Variants in MIA2 observed in about 807,000 individuals in gnomAD.
The protein encoded by MIA2 is melanoma inhibitory activity protein 2.
A neutral mutation model predicts 167.8 loss-of-function variants in MIA2; 127 were observed. The ratio of observed to expected loss-of-function variants is 0.76; its 90% CI spans 0.66 to 0.88. MIA2 has a LOEUF of 0.88. Ranked by LOEUF, MIA2 falls within the 40% of genes least tolerant of loss-of-function variation. The pLI is 0.00. For synonymous variants in MIA2, 552 were observed against 541.9 expected (o/e 1.02, Z -0.26); for missense variants, 1,690 against 1,624.7 (o/e 1.04, Z -0.69).
chr14:39,331,351 A>G (rs1407582268), intron 25 of MIA2, among the ~76,000 whole-genome samples: 7 of 152,052 alleles, frequency 4.6e-5, no homozygotes, highest in African/African-American at 1.7e-4. Context: ...ATGTGTGTCT[A>G]TGCACATGAG....
At chr14:39,286,696 CTTT>C (rs35159773) in intron 9 of MIA2, among the ~76,000 whole-genome samples, 4 of 142,670 alleles carry the variant, frequency 2.8e-5, no homozygotes, top group Non-Finnish European at 3.0e-5. Flanking sequence ...TTCCTTCTTA[CTTT>C]TTTTTTTTTT....
At chr14:39,330,282 G>C (rs150508807) in intron 25 of MIA2, among the ~76,000 whole-genome samples, 3,083 of 152,196 alleles carry the variant, frequency 0.02, 107 homozygotes, top group African/African-American at 0.068. Flanking sequence ...TTCTCTGATG[G>C]TAGTTTGTAT....
At chr14:39,304,497 A>C (rs1035261865) in intron 17 of MIA2, 116 bp downstream of exon 17, 6 of 550,686 alleles carry the variant, frequency 1.1e-5, no homozygotes, top group Admixed American at 8.5e-5. Flanking sequence ...TTTTTTTTTA[A>C]CTTTTGTTCC....
Position 39,247,883 on chromosome 14 carries a change from G to A in MIA2, c.1309G>A (p.Asp437Asn). 1 of 1,588,478 alleles carries A rather than the reference G, an allele frequency of 6.3e-7. No individual in the cohort carries two copies. Among genetic ancestry groups the A allele is most frequent in the Non-Finnish European group, 8.5e-7 (1 of 1,173,570 alleles). The change falls in exon 4 of 29, where the codon GAT (aspartate) becomes AAT (asparagine). Residue 437 changes from aspartate to asparagine, a missense_variant. Asp to Asn is a conservative substitution (Grantham distance 23). Coordinates refer to ENST00000640607, the MANE Select transcript of MIA2 (RefSeq NM_001329214.4). ...IETIKIIETE[D>N]QIDKKPVSEK... is the part of the protein sequence containing the mutation. ...AACGATAAAAATTATAGAAACAGAA[G>A]ATCAAATAGACAAGAAACCAGTCTC...
At chr14:39,246,756 A>G (rs1046294360) in intron 3 of MIA2, among the ~76,000 whole-genome samples, 155 bp from the exon 4 acceptor site, 3 of 152,228 alleles carry the variant, frequency 2.0e-5, no homozygotes, top group Non-Finnish European at 4.4e-5. Context: ...ATTAGCCTTG[A>G]AGTCAGTTGT....
chr14:39,306,614 C>G (rs572326842), intron 17 of MIA2, among the ~76,000 whole-genome samples: 132 of 152,316 alleles, frequency 8.7e-4, no homozygotes, highest in African/African-American at 2.8e-3. Context: ...GATGGGGACA[C>G]AAAGCCAAAC....
chr14:39,235,670 A>G (rs1045648408), intron 1 of MIA2, among the ~76,000 whole-genome samples: 1 of 151,904 alleles, frequency 6.6e-6, no homozygotes, highest in Non-Finnish European at 1.5e-5. Flanking sequence ...CCCAGCTACT[A>G]GGGAGGCTGA....
In MIA2 at chr14:39,315,828, GTTTCT is replaced by G. The variant is rs1271010507; in HGVS notation, c.3216+114_3216+118del. 5.5e-6 allele frequency: 4 copies of G among 722,588 alleles called. No homozygotes were observed. In the South Asian group the frequency reaches 6.6e-5, roughly 12 times the overall value. 44.8% of individuals were successfully genotyped at this position (722,588 alleles called of 1,614,324 possible). A position where few individuals can be genotyped will look rare whatever the true frequency, so the allele number is the denominator to read the frequency against. The stretch of plus-strand genomic sequence containing the variant: ...ATAAATATAGTATTCTAAAAAATCA[GTTTCT>G]TTTAATTTTACAAGTAGTGAAATTA... On this transcript the variant is annotated intron_variant, in intron 21 of 28. Transcript: ENST00000640607.
intron 21 of MIA2, 118 bp from the exon 22 acceptor site, chr14:39,317,826 C>T: frequency 1.7e-6 from 1 of 586,944 alleles, no homozygotes; most frequent in Non-Finnish European, 2.7e-6. Flanking sequence ...GATTTGTATA[C>T]CATTGTTGTG....
chr14:39,266,421 C>G (rs1246952055), intron 6 of MIA2: 16 of 985,308 alleles, frequency 1.6e-5, no homozygotes, highest in Non-Finnish European at 1.9e-5. Flanking sequence ...GAAAACAGCA[C>G]GCACCGCGCC....
intron 1 of MIA2, 46 bp from the exon 2 acceptor site, chr14:39,236,876 T>G (rs774940662): frequency 6.5e-7 from 1 of 1,531,990 alleles, no homozygotes; most frequent in Non-Finnish European, 8.9e-7. Flanking sequence ...AGGAGAAATA[T>G]CATTTTAATT....
At chr14:39,277,784 A>T (rs2058382861) in intron 7 of MIA2, among the ~76,000 whole-genome samples, 3 of 95,842 alleles carry the variant, frequency 3.1e-5, no homozygotes, top group Non-Finnish European at 4.2e-5. Context: ...ATATATATTT[A>T]TATTTAAAGA....
chr14:39,378,601 A>G (rs1285515233), intron 23 of MIA2, among the ~76,000 whole-genome samples: 3 of 152,244 alleles, frequency 2.0e-5, no homozygotes, highest in East Asian at 1.9e-4. Context: ...TTGGCATACA[A>G]TAGTTTTACA....
rs1193212951 is a variant in MIA2 at position 39,299,897 on chromosome 14, G to A, written c.2530G>A (p.Val844Met). The change falls in exon 14 of 29, where the codon GTG becomes ATG. Residue 844 changes from valine to methionine, a missense_variant. Transcript: ENST00000640607. ...LQEAEVWKEQVSELNKQKVTF... is the reference protein window; with the variant it reads ...LQEAEVWKEQMSELNKQKVTF... ...AGAAGCTGAAGTATGGAAAGAACAA[G>A]TGAGTGAACTTAATAAACAGAAAGT... The A allele has an allele frequency of 1.2e-6, 2 of 1,608,588 alleles. No individual in the cohort carries two copies. Among genetic ancestry groups the A allele is most frequent in the Non-Finnish European group, 1.7e-6 (2 of 1,178,662 alleles).
Position 39,253,109 on chromosome 14 carries a change from C to T in MIA2, c.1825C>T (p.Gln609Ter). ...SEFQILKYLF[Q>*]IDVYDFMNSA... ...GTTTCAGATTCTGAAATACTTATTC[C>T]AAATTGATGTTTATGATTTCATGAA... The change falls in exon 6 of 29, where the codon CAA (glutamine) becomes TAA (stop). Residue 609 changes from glutamine (Q) to a stop codon, truncating the protein, a stop_gained. Coordinates refer to ENST00000640607, the MANE Select transcript of MIA2 (RefSeq NM_001329214.4). LOFTEE classifies it high-confidence loss of function. 1 of 1,602,816 alleles carries T rather than the reference C, an allele frequency of 6.2e-7. No homozygotes were observed. The highest frequency in any genetic ancestry group is 8.5e-7 in the Non-Finnish European group (1 of 1,174,486).
At chr14:39,344,997 A>G (rs1302312248) in intron 25 of MIA2, among the ~76,000 whole-genome samples, 2 of 152,122 alleles carry the variant, frequency 1.3e-5, no homozygotes, top group East Asian at 3.9e-4. Flanking sequence ...GTCTCTCCAG[A>G]TGTTCTTCGT....
chr14:39,328,771 G>A (rs974794411), intron 25 of MIA2, among the ~76,000 whole-genome samples: 9 of 152,214 alleles, frequency 5.9e-5, no homozygotes, highest in African/African-American at 1.7e-4. Context: ...AGATCAGTTG[G>A]TTGTAGATGT....
intron 23 of MIA2, among the ~76,000 whole-genome samples, chr14:39,373,320 AAAAG>A (rs1431994518): frequency 6.6e-6 from 1 of 151,870 alleles, no homozygotes; most frequent in African/African-American, 2.4e-5. Context: ...AAAAAAAAAA[AAAAG>A]CATGCCACTG....
chr14:39,235,091 A>G (rs1445270681), intron 1 of MIA2, among the ~76,000 whole-genome samples: 2 of 151,140 alleles, frequency 1.3e-5, no homozygotes, highest in Admixed American at 6.6e-5. Context: ...GCTGGAGTGC[A>G]ATGGCACGAT....
Sources: allele counts gnomAD v4.1 joint callset (sites outside exome capture counted in the v4.1 genomes callset), GRCh38; gene constraint gnomAD v4.1.1; transcripts MANE v1.5; gene names NCBI Gene and HGNC (gene_info 2026-07-23, HGNC 2026-07-21).